MAGI2: variants seen among roughly 807,000 people sequenced by gnomAD.
MAGI2 encodes membrane-associated guanylate kinase, WW and PDZ domain-containing protein 2.
A neutral mutation model predicts 133.3 loss-of-function variants in MAGI2; 35 were observed. The ratio of observed to expected loss-of-function variants is 0.26; its 90% CI spans 0.20 to 0.35. The LOEUF (loss-of-function observed/expected upper bound fraction) is 0.35. Ranked by LOEUF, MAGI2 falls within the 10% of genes least tolerant of loss-of-function variation. The probability of loss-of-function intolerance (pLI) is 1.00; values close to 1 mark genes in which losing one functional copy is unlikely to be tolerated. For synonymous variants in MAGI2, 729 were observed against 710.6 expected (o/e 1.03, Z -0.41); for missense variants, 1,636 against 1,863.4 (o/e 0.88, Z 2.25).
rs1170861278 is a variant in MAGI2, at chr7:78,264,228, A to G, written c.1409-7647T>C. ...AGCCATTGTTATCTGTACTTGATAC[A>G]TGGGAAACTGAACCTAGAAGAAGTT... On this transcript the variant is annotated intron_variant, in intron 9 of 21. Coordinates refer to ENST00000354212, the MANE Select transcript of MAGI2 (RefSeq NM_012301.4). 2.6e-5 allele frequency among the ~76,000 whole-genome samples: 4 copies of G among 152,168 alleles called. No individual in the cohort carries two copies. The East Asian group carries it at 5.8e-4, about 22-fold the overall frequency.
At chr7:78,535,273 T>C (rs1211494923) in intron 3 of MAGI2, among the ~76,000 whole-genome samples, 2 of 152,138 alleles carry the variant, frequency 1.3e-5, no homozygotes, top group Admixed American at 1.3e-4. Context: ...GAAGAACTAA[T>C]AGGAAAACAC....
chr7:78,097,283 T>C (rs1188902973), intron 20 of MAGI2, among the ~76,000 whole-genome samples: 1 of 152,176 alleles, frequency 6.6e-6, no homozygotes, highest in Non-Finnish European at 1.5e-5. Context: ...AAAACAGAAC[T>C]ACCATTTGAC....
chr7:78,892,525 A>C (rs556412889), intron 2 of MAGI2, among the ~76,000 whole-genome samples: 2 of 152,314 alleles, frequency 1.3e-5, no homozygotes, highest in South Asian at 2.1e-4. Flanking sequence ...CTGGTACCAA[A>C]ACAGAGATAT....
intron 3 of MAGI2, among the ~76,000 whole-genome samples, chr7:78,540,917 C>G (rs1275853142): frequency 6.6e-6 from 1 of 152,260 alleles, no homozygotes; most frequent in East Asian, 1.9e-4. Context: ...CTTTTCCCCT[C>G]TCACACTTTG....
intron 3 of MAGI2, among the ~76,000 whole-genome samples, chr7:78,543,236 G>T (rs541762517): frequency 3.9e-5 from 6 of 152,292 alleles, no homozygotes; most frequent in Admixed American, 3.9e-4. Flanking sequence ...AAGGAACTTT[G>T]AATAGGTAGG....
intron 9 of MAGI2, among the ~76,000 whole-genome samples, chr7:78,307,110 A>C (rs1798302607): frequency 6.6e-6 from 1 of 152,150 alleles, no homozygotes; most frequent in South Asian, 2.1e-4. Flanking sequence ...AAAAGAAGAG[A>C]GCATTGACAC....
intron 1 of MAGI2, among the ~76,000 whole-genome samples, chr7:79,329,235 C>T (rs1267560883): frequency 6.6e-6 from 1 of 152,150 alleles, no homozygotes; most frequent in Non-Finnish European, 1.5e-5. Context: ...CAATATTTTC[C>T]ATCCAGAAAA....
At position 78,573,193 on chromosome 7, in the gene MAGI2, TATATATATATAA is replaced by T. The variant is rs1157818624; in HGVS notation, c.539-51560_539-51549del. ...ACACACGTACCCTGGAACTTTTATA[TATATATATATAA>T]ATATATATATAAATATATATAAATA... is the stretch of plus-strand genomic sequence containing the variant. On this transcript the variant is annotated intron_variant, in intron 3 of 21. Transcript: ENST00000354212. Among the ~76,000 whole-genome samples the T allele has an allele frequency of 6.1e-4, 52 of 85,432 alleles. 1 individual carries two copies. The East Asian group carries it at 8.0e-3, about 13-fold the overall frequency. The allele number at this position is 85,432 out of a possible 152,430, so 56.0% of individuals were successfully genotyped here. A position where few individuals can be genotyped will look rare whatever the true frequency, so the allele number is the denominator to read the frequency against.
intron 9 of MAGI2, among the ~76,000 whole-genome samples, chr7:78,322,181 A>G (rs950860409): frequency 6.6e-6 from 1 of 152,224 alleles, no homozygotes; most frequent in African/African-American, 2.4e-5. Context: ...AATTAGTTCA[A>G]CCATTGTGGA....
At chr7:79,203,075 TA>T (rs1174278112) in intron 1 of MAGI2, among the ~76,000 whole-genome samples, 1 of 152,154 alleles carries the variant, frequency 6.6e-6, no homozygotes, top group Middle Eastern at 3.4e-3. Flanking sequence ...CCAGAACTTA[TA>T]ATGGATCCTT....
Position 78,255,892 on chromosome 7 carries a change from A to T in MAGI2, c.2047+51T>A, listed in dbSNP as rs1463271180. On this transcript the variant is annotated intron_variant, in intron 10 of 21. Coordinates refer to ENST00000354212, the MANE Select transcript of MAGI2 (RefSeq NM_012301.4). ...TGCATTTTAACAATATTATTAAATG[A>T]TCCTACTATTTTACCCACATATTTT... 4 of 1,531,752 alleles carry T rather than the reference A, an allele frequency of 2.6e-6. No individual in the cohort carries two copies. In the African/African-American group the frequency reaches 5.5e-5, roughly 21 times the overall value. 94.9% of individuals were successfully genotyped at this position (1,531,752 alleles called of 1,614,324 possible). A position where few individuals can be genotyped will look rare whatever the true frequency, so the allele number is the denominator to read the frequency against.
intron 2 of MAGI2, among the ~76,000 whole-genome samples, chr7:78,896,378 G>A (rs1439258486): frequency 1.3e-5 from 2 of 151,888 alleles, no homozygotes; most frequent in Admixed American, 6.6e-5. Context: ...GCCATACAAT[G>A]AGGCTGCATG....
intron 1 of MAGI2, among the ~76,000 whole-genome samples, chr7:79,088,253 A>C (rs2129542323): frequency 6.6e-6 from 1 of 152,050 alleles, no homozygotes; most frequent in Admixed American, 6.6e-5. Flanking sequence ...ATTCCTAGGT[A>C]TTTTATTCTC....
At chr7:78,486,742 A>G in intron 6 of MAGI2, 1 of 418,724 alleles carries the variant, frequency 2.4e-6, no homozygotes, top group Non-Finnish European at 4.7e-6. Flanking sequence ...ATGTTGGTAT[A>G]TCCATGGCCT....
At chr7:78,735,826 T>C (rs896966711) in intron 2 of MAGI2, among the ~76,000 whole-genome samples, 1 of 152,098 alleles carries the variant, frequency 6.6e-6, no homozygotes, top group Non-Finnish European at 1.5e-5. Flanking sequence ...ATAGATTTAC[T>C]TTTAAAACAC....
At chr7:78,711,865 A>C (rs1395207979) in intron 2 of MAGI2, among the ~76,000 whole-genome samples, 1 of 152,218 alleles carries the variant, frequency 6.6e-6, no homozygotes, top group South Asian at 2.1e-4. Flanking sequence ...AAAATGGTGG[A>C]TAATCCAAAA....
intron 6 of MAGI2, among the ~76,000 whole-genome samples, chr7:78,403,008 TTTA>T (rs1797033027): frequency 6.6e-6 from 1 of 152,224 alleles, no homozygotes. Flanking sequence ...TAACTTTTTT[TTTA>T]AAATTATACT....
At chr7:78,256,679 C>G in intron 9 of MAGI2, 98 bp from the exon 10 acceptor site, 1 of 1,003,928 alleles carries the variant, frequency 1.0e-6, no homozygotes, top group Non-Finnish European at 1.5e-6. Flanking sequence ...GGTGTTGTTT[C>G]TTAGTAAGCA....
At chr7:78,988,481 T>C (rs1805469105) in intron 2 of MAGI2, among the ~76,000 whole-genome samples, 1 of 152,062 alleles carries the variant, frequency 6.6e-6, no homozygotes, top group South Asian at 2.1e-4. Flanking sequence ...ACATGGAAGG[T>C]TCATTTTAAA....
Sources: gnomAD v4.1 joint callset for allele counts (sites outside exome capture counted in the v4.1 genomes callset) on GRCh38, gnomAD v4.1.1 for gene constraint, MANE v1.5 for transcripts, NCBI Gene and HGNC (gene_info 2026-07-23, HGNC 2026-07-21) for gene names.